The following SUSD4 variants were observed in gnomAD, a reference collection of about 807,000 sequenced individuals.
The protein encoded by SUSD4 is sushi domain-containing protein 4.
Under a neutral mutation model 50.5 loss-of-function variants are expected in SUSD4, and 41 were observed. That is an observed-to-expected ratio of 0.81 (90% CI 0.63 to 1.05). SUSD4 has a LOEUF of 1.05. Ranked by LOEUF, SUSD4 falls within the 50% of genes least tolerant of loss-of-function variation. The pLI is 0.00. For missense variants in SUSD4, 580 were observed against 634.7 expected, an observed-to-expected ratio of 0.91 and a Z score of 0.93; for synonymous variants, 257 against 257.3, an observed-to-expected ratio of 1.00 and a Z score of 0.01.
intron 2 of SUSD4, among the ~76,000 whole-genome samples, chr1:223,343,938 A>C (rs1478176194): frequency 2.0e-5 from 3 of 152,104 alleles, no homozygotes; most frequent in Non-Finnish European, 2.9e-5. Flanking sequence ...ATCCAAACCA[A>C]CGTGTCAACC....
chr1:223,235,230 G>C, intron 5 of SUSD4: 1 of 924,528 alleles, frequency 1.1e-6, no homozygotes, highest in Non-Finnish European at 1.6e-6. Context: ...TAGGTTCACA[G>C]CAATATTGAG....
intron 5 of SUSD4, among the ~76,000 whole-genome samples, chr1:223,256,011 GCACATTGTA>G (rs1432363799): frequency 6.6e-6 from 1 of 152,202 alleles, no homozygotes; most frequent in African/African-American, 2.4e-5. Flanking sequence ...TGGCCACTTG[GCACATTGTA>G]CATCCCTGGT....
chr1:223,252,236 A>AAT (rs1193229922), intron 5 of SUSD4, among the ~76,000 whole-genome samples: 326 of 89,664 alleles, frequency 3.6e-3, no homozygotes, highest in Middle Eastern at 0.016. Context: ...AAAAAAAAAA[A>AAT]ATATATATAT....
intron 5 of SUSD4, among the ~76,000 whole-genome samples, chr1:223,248,842 C>T (rs1661111582): frequency 6.6e-6 from 1 of 151,808 alleles, no homozygotes; most frequent in African/African-American, 2.4e-5. Flanking sequence ...AACTGTGAAA[C>T]TTCACTGAAA....
intron 5 of SUSD4, among the ~76,000 whole-genome samples, chr1:223,232,144 A>G (rs1176367959): frequency 6.6e-6 from 1 of 152,180 alleles, no homozygotes; most frequent in East Asian, 1.9e-4. Flanking sequence ...CAGGGAGCAG[A>G]ACAGTGGTTA....
chr1:223,344,749 G>T (rs1256187081), intron 2 of SUSD4, among the ~76,000 whole-genome samples: 1 of 152,184 alleles, frequency 6.6e-6, no homozygotes, highest in Non-Finnish European at 1.5e-5. Flanking sequence ...GGGACTGAGT[G>T]TGCTCTTCCT....
At chr1:223,317,530 T>C (rs532943238) in intron 2 of SUSD4, among the ~76,000 whole-genome samples, 2 of 152,280 alleles carry the variant, frequency 1.3e-5, no homozygotes, top group African/African-American at 4.8e-5. Context: ...ACCCCTTTCC[T>C]GGAACAGGTG....
At chr1:223,344,542 G>A (rs973591692) in intron 2 of SUSD4, among the ~76,000 whole-genome samples, 8 of 151,942 alleles carry the variant, frequency 5.3e-5, no homozygotes, top group African/African-American at 1.7e-4. Flanking sequence ...ATTGCTCAAG[G>A]ACTGCTCACC....
chr1:223,321,620 G>T (rs1411739762), intron 2 of SUSD4, among the ~76,000 whole-genome samples: 1 of 152,138 alleles, frequency 6.6e-6, no homozygotes, highest in Non-Finnish European at 1.5e-5. Flanking sequence ...AACTTACCTT[G>T]TTGCTGGAAT....
chr1:223,268,845 T>A (rs1558198556), intron 3 of SUSD4, among the ~76,000 whole-genome samples, 170 bp from the exon 4 acceptor site: 1 of 152,002 alleles, frequency 6.6e-6, no homozygotes, highest in Non-Finnish European at 1.5e-5. Flanking sequence ...GCAGAAGAGG[T>A]GGCTTCACGG....
At chr1:223,331,480 G>A (rs945413398) in intron 2 of SUSD4, among the ~76,000 whole-genome samples, 5 of 152,194 alleles carry the variant, frequency 3.3e-5, no homozygotes, top group African/African-American at 1.2e-4. Flanking sequence ...TCCCCCTGTG[G>A]TTGGGGTTGA....
chr1:223,229,377 G>A lies in SUSD4; in HGVS notation c.736C>T (p.Pro246Ser), dbSNP rs1288049500. The stretch of plus-strand genomic sequence containing the variant: ...AAATCTCCGTGACTCACCATTGGAG[G>A]TAGTGGACAGACTTGGGCAGTAGGG... ...RCLALEVCPL[P>S]PMVSHGDFVC... Residue 246 changes from proline (P) to serine (S), a missense_variant, in exon 6 of 9, where the codon CCT becomes TCT. Transcript: ENST00000366878. The surrounding 1 kb of genome is among the most constrained non-coding windows in gnomAD (Gnocchi z 4.7). The A allele has an allele frequency of 6.3e-7, 1 of 1,595,168 alleles. No individual in the cohort carries two copies. The highest frequency in any genetic ancestry group is 8.6e-7 in the Non-Finnish European group (1 of 1,165,062).
intron 2 of SUSD4, among the ~76,000 whole-genome samples, chr1:223,318,311 T>C (rs1354312960): frequency 1.9e-4 from 2 of 10,738 alleles, no homozygotes; most frequent in African/African-American, 4.2e-4. Context: ...AGTGCCGCAA[T>C]AAACATACGT....
At chr1:223,340,634 G>A (rs1667702950) in intron 2 of SUSD4, among the ~76,000 whole-genome samples, 1 of 152,196 alleles carries the variant, frequency 6.6e-6, no homozygotes, top group African/African-American at 2.4e-5. Flanking sequence ...GACAGCTGGG[G>A]AGCTGGGTTT....
intron 2 of SUSD4, among the ~76,000 whole-genome samples, chr1:223,335,625 G>A (rs370086228): frequency 6.6e-6 from 1 of 152,180 alleles, no homozygotes; most frequent in African/African-American, 2.4e-5. Flanking sequence ...AGAACAAGCA[G>A]TCATTAATAC....
chr1:223,324,487 G>A (rs1666760533), intron 2 of SUSD4, among the ~76,000 whole-genome samples: 1 of 151,558 alleles, frequency 6.6e-6, no homozygotes, highest in South Asian at 2.1e-4. Context: ...ACTTTAAAAA[G>A]GTATCTTAAA....
At chr1:223,280,101 A>G (rs1027163365) in intron 3 of SUSD4, among the ~76,000 whole-genome samples, 1 of 152,234 alleles carries the variant, frequency 6.6e-6, no homozygotes, top group Non-Finnish European at 1.5e-5. Flanking sequence ...AAACATGGAA[A>G]GGAACAACCG....
intron 2 of SUSD4, among the ~76,000 whole-genome samples, chr1:223,293,562 A>G (rs989452540): frequency 2.0e-5 from 3 of 152,204 alleles, no homozygotes; most frequent in African/African-American, 7.2e-5. Flanking sequence ...GAGAGAGCCC[A>G]GAAGCCCAGG....
At chr1:223,337,582 G>A (rs972282024) in intron 2 of SUSD4, among the ~76,000 whole-genome samples, 1 of 152,182 alleles carries the variant, frequency 6.6e-6, no homozygotes, top group African/African-American at 2.4e-5. Context: ...AGGGGAGTAA[G>A]CCATCTGTTC....
Sources: gnomAD v4.1 joint callset for allele counts (sites outside exome capture counted in the v4.1 genomes callset) on GRCh38, gnomAD v4.1.1 for gene constraint, Gnocchi (gnomAD v3.1) non-coding constraint, MANE v1.5 for transcripts, NCBI Gene and HGNC (gene_info 2026-07-23, HGNC 2026-07-21) for gene names.